MAGI1: variants seen among roughly 807,000 people sequenced by gnomAD.
MAGI1 encodes the protein membrane associated guanylate kinase, WW and PDZ domain containing 1.
A neutral mutation model predicts 139.9 loss-of-function variants in MAGI1; 58 were observed. The observed-to-expected ratio is 0.41, with a 90% CI of 0.34 to 0.52. The LOEUF (loss-of-function observed/expected upper bound fraction) is 0.52, where lower values mean the gene tolerates loss of function less well. Ranked by LOEUF, MAGI1 falls within the 20% of genes least tolerant of loss-of-function variation. The pLI is 0.12. For synonymous variants in MAGI1, 812 were observed against 737.9 expected, an observed-to-expected ratio of 1.10 and a Z score of -1.63; for missense variants, 1,874 against 1,901.6, an observed-to-expected ratio of 0.99 and a Z score of 0.27.
intron 1 of MAGI1, among the ~76,000 whole-genome samples, chr3:65,910,481 C>T (rs1472128714): frequency 6.6e-6 from 1 of 152,164 alleles, no homozygotes; most frequent in Non-Finnish European, 1.5e-5. Flanking sequence ...AAGTACGCCA[C>T]CATTGCAAAT....
intron 1 of MAGI1, among the ~76,000 whole-genome samples, chr3:66,012,557 G>A (rs1232046159): frequency 6.6e-6 from 1 of 152,124 alleles, no homozygotes; most frequent in Admixed American, 6.5e-5. Flanking sequence ...CTTGAGACCA[G>A]GAGTTTGAGA....
chr3:65,568,270 T>A (rs2080770707), intron 2 of MAGI1, among the ~76,000 whole-genome samples: 1 of 152,172 alleles, frequency 6.6e-6, no homozygotes, highest in Non-Finnish European at 1.5e-5. Context: ...TATCCCAAGC[T>A]TCATGGCAAT....
chr3:65,932,340 C>T (rs547333845), intron 1 of MAGI1, among the ~76,000 whole-genome samples: 2 of 152,114 alleles, frequency 1.3e-5, no homozygotes, highest in East Asian at 1.9e-4. Flanking sequence ...CCAGCCTAAG[C>T]GACAGAGTGA....
intron 3 of MAGI1, among the ~76,000 whole-genome samples, chr3:65,486,527 A>C (rs761253051): frequency 1.3e-5 from 2 of 152,216 alleles, no homozygotes; most frequent in Non-Finnish European, 2.9e-5. Flanking sequence ...CAGCTGATTT[A>C]TTTTAAGCAC....
chr3:65,730,559 G>A (rs1342338126), intron 1 of MAGI1, among the ~76,000 whole-genome samples: 1 of 152,192 alleles, frequency 6.6e-6, no homozygotes, highest in Non-Finnish European at 1.5e-5. Context: ...GTGGCAGAAT[G>A]GACTGACGAG....
At chr3:65,392,626 G>A (rs899619982) in intron 13 of MAGI1, among the ~76,000 whole-genome samples, 14 of 152,028 alleles carry the variant, frequency 9.2e-5, no homozygotes, top group African/African-American at 1.2e-4. Flanking sequence ...CTGTCTCCCC[G>A]AGTATCCTTC....
rs537905690 is a variant in MAGI1 at position 65,732,466 on chromosome 3, C to G, written c.314-110378G>C. 1.8e-4 allele frequency among the ~76,000 whole-genome samples: 28 copies of G among 151,736 alleles called. 1 individual carries two copies. The East Asian group carries it at 3.3e-3, about 18-fold the overall frequency. On this transcript the variant is annotated intron_variant, in intron 1 of 22. Coordinates refer to ENST00000402939, the MANE Select transcript of MAGI1 (RefSeq NM_001033057.2). ...GAAAGAAACGGTTTCTGAATCATTT[C>G]AAACCACCAGCATCCTTCCCCAGAC...
At chr3:65,682,237 C>T (rs1456415515) in intron 1 of MAGI1, among the ~76,000 whole-genome samples, 1 of 152,152 alleles carries the variant, frequency 6.6e-6, no homozygotes, top group Non-Finnish European at 1.5e-5. Context: ...CCAGTGACAA[C>T]AAGCAGCCCA....
chr3:65,962,758 G>C (rs186707528), intron 1 of MAGI1, among the ~76,000 whole-genome samples: 1 of 146,746 alleles, frequency 6.8e-6, no homozygotes, highest in South Asian at 2.2e-4. Context: ...ATGGGAGGCA[G>C]AGGTTGCAGT....
At chr3:65,811,741 TA>T (rs1435221609) in intron 1 of MAGI1, among the ~76,000 whole-genome samples, 1 of 151,898 alleles carries the variant, frequency 6.6e-6, no homozygotes, top group Non-Finnish European at 1.5e-5. Context: ...GGTAAACTGA[TA>T]AACTTTCAGG....
At chr3:65,454,084 G>A (rs1949219009) in intron 5 of MAGI1, among the ~76,000 whole-genome samples, 1 of 151,892 alleles carries the variant, frequency 6.6e-6, no homozygotes, top group African/African-American at 2.4e-5. Context: ...AATCATATTA[G>A]AAATGTCACC....
rs544019108 is a variant in MAGI1, at chr3:65,622,091, G to T, written c.314-3C>A. On this transcript the variant is annotated splice_region_variant and splice_polypyrimidine_tract_variant and intron_variant, in intron 1 of 22. Transcript: ENST00000402939. The stretch of plus-strand genomic sequence containing the variant: ...CAGGTCCTTGTTCAGCCTTCCTCCT[G>T]CAGGAAATACATAAAATAGACATAC... 2 of 1,596,934 alleles carry T rather than the reference G, an allele frequency of 1.3e-6. No individual in the cohort carries two copies. Among genetic ancestry groups the T allele is most frequent in the Admixed American group, 1.7e-5 (1 of 59,988 alleles).
chr3:65,716,701 C>G (rs998211333), intron 1 of MAGI1, among the ~76,000 whole-genome samples: 3 of 152,072 alleles, frequency 2.0e-5, no homozygotes, highest in African/African-American at 7.2e-5. Flanking sequence ...TTCATGGGAC[C>G]CAAGATAAAA....
At chr3:65,385,996 C>T (rs755065390) in intron 14 of MAGI1, among the ~76,000 whole-genome samples, 12 of 152,206 alleles carry the variant, frequency 7.9e-5, no homozygotes, top group Non-Finnish European at 1.6e-4. Context: ...CAGCACTGGG[C>T]TCCTGGCAGA....
chr3:65,535,934 G>T (rs1416362250), intron 2 of MAGI1, among the ~76,000 whole-genome samples: 1 of 152,168 alleles, frequency 6.6e-6, no homozygotes, highest in Non-Finnish European at 1.5e-5. Flanking sequence ...TTAAAATATA[G>T]AGTAAGACAC....
At chr3:65,760,803 G>A (rs566314554) in intron 1 of MAGI1, among the ~76,000 whole-genome samples, 7 of 152,132 alleles carry the variant, frequency 4.6e-5, no homozygotes, top group African/African-American at 1.7e-4. Context: ...TGAAAAACAG[G>A]GTTTAAGGAA....
At position 65,639,446 on chromosome 3, in the gene MAGI1, G is replaced by C. The variant is rs145216183; in HGVS notation, c.314-17358C>G. On this transcript the variant is annotated intron_variant, in intron 1 of 22. Coordinates refer to ENST00000402939, the MANE Select transcript of MAGI1 (RefSeq NM_001033057.2). ...AAGGAGTCAGGGGGCCTGGATTTGA[G>C]ACTTAAATCTGCACAGGTATTTGAG... Among the ~76,000 whole-genome samples, 230 of 152,278 alleles carry C rather than the reference G, an allele frequency of 1.5e-3. 2 individuals carry two copies. The East Asian group carries it at 0.03, about 20-fold the overall frequency.
intron 2 of MAGI1, among the ~76,000 whole-genome samples, chr3:65,558,618 C>T (rs1019704583): frequency 2.6e-5 from 4 of 152,132 alleles, no homozygotes; most frequent in African/African-American, 9.7e-5. Context: ...TCCACGAAAC[C>T]CATGAGTTTT....
At chr3:65,443,439 C>T (rs1391750763) in intron 7 of MAGI1, among the ~76,000 whole-genome samples, 3 of 152,206 alleles carry the variant, frequency 2.0e-5, no homozygotes, top group Admixed American at 6.5e-5. Context: ...AGCTCCTGAT[C>T]CCTAAGAGCT....
Sources: gnomAD v4.1 joint callset for allele counts (sites outside exome capture counted in the v4.1 genomes callset) on GRCh38, gnomAD v4.1.1 for gene constraint, MANE v1.5 for transcripts, NCBI Gene and HGNC (gene_info 2026-07-23, HGNC 2026-07-21) for gene names.